The following MIGA1 variants were observed in gnomAD, a reference collection of about 807,000 sequenced individuals.
MIGA1 encodes family with sequence similarity 73, member A.
MIGA1 carries 58 observed loss-of-function variants against 82.0 expected under a neutral mutation model. The observed-to-expected ratio is 0.71, with a 90% CI of 0.57 to 0.88. MIGA1 has a LOEUF of 0.88. Among genes scored for constraint, MIGA1 ranks in the 40% least tolerant of loss-of-function variants. The pLI is 0.00. For synonymous variants in MIGA1, 249 were observed against 253.6 expected (o/e 0.98, Z 0.17); for missense variants, 751 against 749.1 (o/e 1.00, Z -0.03).
At chr1:77,870,879 G>A (rs1685952456) in intron 14 of MIGA1, among the ~76,000 whole-genome samples, 1 of 149,410 alleles carries the variant, frequency 6.7e-6, no homozygotes, top group Admixed American at 6.7e-5. Flanking sequence ...GTTAGGAGCT[G>A]GAGACCAGCC....
At chr1:77,793,318 G>A (rs1490992333) in intron 2 of MIGA1, among the ~76,000 whole-genome samples, 1 of 152,028 alleles carries the variant, frequency 6.6e-6, no homozygotes, top group Admixed American at 6.6e-5. Context: ...GCCCAGGCTG[G>A]TCTGGAACTC....
At chr1:77,874,286 C>G (rs983599829) in intron 15 of MIGA1, among the ~76,000 whole-genome samples, 2 of 151,942 alleles carry the variant, frequency 1.3e-5, no homozygotes, top group African/African-American at 2.4e-5. Context: ...CCTTCAGGAT[C>G]TACCACTGAT....
intron 2 of MIGA1, among the ~76,000 whole-genome samples, chr1:77,796,206 C>T (rs1682647332): frequency 6.6e-6 from 1 of 151,182 alleles, no homozygotes. Context: ...GCAAGCTCTG[C>T]CTCCTGGGTT....
At chr1:77,813,141 C>G (rs770238224) in intron 5 of MIGA1, among the ~76,000 whole-genome samples, 1 of 152,102 alleles carries the variant, frequency 6.6e-6, no homozygotes, top group East Asian at 1.9e-4. Flanking sequence ...ATCACCACAC[C>G]TGGCTGCTTT....
At chr1:77,793,946 C>G (rs1252753642) in intron 2 of MIGA1, among the ~76,000 whole-genome samples, 1 of 151,522 alleles carries the variant, frequency 6.6e-6, no homozygotes, top group Non-Finnish European at 1.5e-5. Flanking sequence ...ACCACCGCAC[C>G]TGGCTAATTT....
intron 14 of MIGA1, among the ~76,000 whole-genome samples, chr1:77,869,345 T>G (rs1035783838): frequency 4.7e-5 from 7 of 147,576 alleles, no homozygotes; most frequent in African/African-American, 1.8e-4. Context: ...TCTACTTCTA[T>G]CCACACAGAC....
rs950386481 is a variant in MIGA1, at chr1:77,816,009, T to A, written c.895+778T>A. ...CCCAGGCTGGGGTGCAGTGGCATGA[T>A]CTTGGCTCAACTCAAACTCCGCCTC... On this transcript the variant is annotated intron_variant, in intron 7 of 15. Transcript: ENST00000370791. Among the ~76,000 whole-genome samples the A allele has an allele frequency of 9.2e-5, 14 of 152,332 alleles. No individual in the cohort carries two copies. The East Asian group carries it at 2.7e-3, about 29-fold the overall frequency.
intron 3 of MIGA1, 144 bp downstream of exon 3, chr1:77,801,652 A>T (rs1682889466): frequency 1.5e-6 from 1 of 681,206 alleles, no homozygotes; most frequent in South Asian, 3.1e-5. Context: ...TAGAAAGATT[A>T]GAAAATGTAG....
chr1:77,820,451 C>G (rs1683758888), intron 7 of MIGA1, among the ~76,000 whole-genome samples: 1 of 152,116 alleles, frequency 6.6e-6, no homozygotes, highest in African/African-American at 2.4e-5. Context: ...CCTTGGCTTC[C>G]TCTTCTGAAA....
intron 7 of MIGA1, among the ~76,000 whole-genome samples, chr1:77,828,278 A>G (rs894873194): frequency 3.3e-5 from 5 of 152,310 alleles, no homozygotes; most frequent in African/African-American, 1.2e-4. Context: ...TGGGTCTTCT[A>G]TGATGTTTAT....
chr1:77,873,184 T>C (rs1646862598), intron 15 of MIGA1, 64 bp downstream of exon 15: 1 of 1,496,674 alleles, frequency 6.7e-7, no homozygotes. Context: ...ACGGTTTTAT[T>C]CTGTTTTGTT....
At chr1:77,828,379 C>T (rs1405651422) in intron 7 of MIGA1, among the ~76,000 whole-genome samples, 3 of 152,118 alleles carry the variant, frequency 2.0e-5, no homozygotes, top group Non-Finnish European at 2.9e-5. Flanking sequence ...TTTCCTAGTT[C>T]AGCAGGTGAT....
In MIGA1 at chr1:77,843,374, C is replaced by T. The variant is rs753678013; in HGVS notation, c.963C>T (p.Ile321=). 5.8e-5 allele frequency: 94 copies of T among 1,613,832 alleles called. No homozygotes were observed. Among genetic ancestry groups the T allele is most frequent in the Non-Finnish European group, 5.8e-5 (69 of 1,179,840 alleles). ...TTGGCCTGCGAGACACCTTGAGCATCGCATCCACGGATTCCTTTGCTTCCG... is the reference window on the plus strand; with the variant it reads ...TTGGCCTGCGAGACACCTTGAGCATTGCATCCACGGATTCCTTTGCTTCCG... Residue 321 remains isoleucine, a synonymous_variant, in exon 8 of 16, where the codon ATC becomes ATT. Coordinates refer to ENST00000370791, the MANE Select transcript of MIGA1 (RefSeq NM_198549.4).
rs1557908225 is a variant in MIGA1 at position 77,815,168 on chromosome 1, C to T, written c.832C>T (p.Leu278Phe). ...AGCTCTGCTGCAAAGAGCCTATCGT[C>T]TCCAAGAGGAGTTTGAAGCTACCCT... Residue 278 changes from leucine to phenylalanine, a missense_variant, in exon 7 of 16, where the codon CTC becomes TTC. Coordinates refer to ENST00000370791, the MANE Select transcript of MIGA1 (RefSeq NM_198549.4). 1 of 1,609,328 alleles carries T rather than the reference C, an allele frequency of 6.2e-7. No individual in the cohort carries two copies. The highest frequency in any genetic ancestry group is 8.5e-7 in the Non-Finnish European group (1 of 1,176,742).
intron 7 of MIGA1, among the ~76,000 whole-genome samples, chr1:77,822,517 T>C (rs1168967862): frequency 6.6e-6 from 1 of 152,170 alleles, no homozygotes; most frequent in Non-Finnish European, 1.5e-5. Context: ...ACAGAATTTT[T>C]TTGAAAAAGA....
chr1:77,846,481 A>G (rs985470679), intron 8 of MIGA1, among the ~76,000 whole-genome samples: 1 of 151,898 alleles, frequency 6.6e-6, no homozygotes, highest in Non-Finnish European at 1.5e-5. Context: ...GCTTCTCTTT[A>G]AAAAGAAAAT....
At chr1:77,801,254 AAGTTT>A in intron 2 of MIGA1, 72 bp from the exon 3 acceptor site, 1 of 1,002,284 alleles carries the variant, frequency 1.0e-6, no homozygotes, top group Non-Finnish European at 1.4e-6. Flanking sequence ...GATTAAGAGT[AAGTTT>A]AGTTATTAGG....
chr1:77,853,234 T>C (rs1356594262), intron 8 of MIGA1: 1 of 152,192 alleles, frequency 6.6e-6, no homozygotes, highest in African/African-American at 2.4e-5. Flanking sequence ...TTGAATCAAG[T>C]AAAATGGCTG....
chr1:77,815,370 A>G (rs918976666), intron 7 of MIGA1, 139 bp downstream of exon 7: 19 of 551,020 alleles, frequency 3.4e-5, no homozygotes, highest in Non-Finnish European at 5.2e-5. Flanking sequence ...AAAAATTTTT[A>G]TCATATTTCT....
Sources: allele counts gnomAD v4.1 joint callset (sites outside exome capture counted in the v4.1 genomes callset), GRCh38; gene constraint gnomAD v4.1.1; transcripts MANE v1.5; gene names NCBI Gene and HGNC (gene_info 2026-07-23, HGNC 2026-07-21).